MCF2L: variants seen among roughly 807,000 people sequenced by gnomAD.
MCF2L encodes the protein guanine nucleotide exchange factor DBS.
In MCF2L, 97 loss-of-function variants were observed where a neutral mutation model predicts 153.4. That is an observed-to-expected ratio of 0.63 (90% CI 0.54 to 0.75). MCF2L has a LOEUF of 0.75. Among genes scored for constraint, MCF2L ranks in the 30% least tolerant of loss-of-function variants. MCF2L has a pLI of 0.00. For synonymous variants in MCF2L, 659 were observed against 632.2 expected (o/e 1.04, Z -0.64); for missense variants, 1,347 against 1,495.2 (o/e 0.90, Z 1.64).
In MCF2L at chr13:113,024,690, C is replaced by T. The variant is rs747256737; in HGVS notation, c.210C>T (p.Tyr70=). 16 of 1,614,078 alleles carry T rather than the reference C, an allele frequency of 9.9e-6. No individual in the cohort carries two copies. The highest frequency in any genetic ancestry group is 5.5e-5 in the South Asian group (5 of 91,086). ...DGSPVITFPD[Y]PAFSEIPDKE... ...GCCCGGTTATCACCTTCCCTGACTA[C>T]CCGGCCTTCAGCGAGATTCCGGACA... The change falls in exon 3 of 30, where the codon TAC becomes TAT. Residue 70 remains tyrosine, a synonymous_variant. Coordinates refer to ENST00000535094, the MANE Select transcript of MCF2L (RefSeq NM_001112732.3).
In MCF2L at chr13:112,907,038, C is replaced by T. The variant is rs4907470; in HGVS notation, c.169+4667C>T. ...ACATTTGCCGCCTTGGGTGGAGTCG[C>T]GACATTGCTGTTTCTATGTCAGAAG... On this transcript the variant is annotated intron_variant, in intron 2 of 29. Coordinates refer to the MCF2L transcript ENST00000375608. The surrounding 1 kb of genome is among the most constrained non-coding windows in gnomAD (Gnocchi z 5.1). 0.82 allele frequency among the ~76,000 whole-genome samples: 124,276 copies of T among 152,114 alleles called. 51,014 individuals carry two copies. Among genetic ancestry groups the T allele is most frequent in the East Asian group, 0.91 (4,682 of 5,156 alleles).
At chr13:112,930,327 T>C (rs2081448835) in intron 2 of MCF2L, among the ~76,000 whole-genome samples, 1 of 152,144 alleles carries the variant, frequency 6.6e-6, no homozygotes, top group South Asian at 2.1e-4. Context: ...AAACAAACTG[T>C]GGTCCATGCA....
intron 2 of MCF2L, among the ~76,000 whole-genome samples, chr13:112,949,266 A>G (rs2081667057): frequency 1.3e-5 from 2 of 152,224 alleles, no homozygotes; most frequent in South Asian, 4.1e-4. Flanking sequence ...CAATAAAGAA[A>G]CATTCAGGCC....
chr13:113,024,179 G>A (rs866847034), intron 2 of MCF2L, among the ~76,000 whole-genome samples: 17 of 152,332 alleles, frequency 1.1e-4, no homozygotes, highest in South Asian at 2.1e-4. Flanking sequence ...GAAGCTAGAC[G>A]ATACCCACAA....
At chr13:113,036,239 C>A (rs549485397) in intron 3 of MCF2L, among the ~76,000 whole-genome samples, 50 of 152,340 alleles carry the variant, frequency 3.3e-4, no homozygotes, top group South Asian at 1.2e-3. Flanking sequence ...AATGACGCCA[C>A]CATTCTCTTT....
chr13:113,060,922 C>A (rs2141767138), intron 5 of MCF2L, among the ~76,000 whole-genome samples: 1 of 152,080 alleles, frequency 6.6e-6, no homozygotes, highest in East Asian at 1.9e-4. Flanking sequence ...AGCCCCCACC[C>A]CGCCAGAGGT....
At chr13:113,066,718 C>G (rs2032424368) in intron 8 of MCF2L, among the ~76,000 whole-genome samples, 1 of 151,606 alleles carries the variant, frequency 6.6e-6, no homozygotes, top group Admixed American at 6.6e-5. Flanking sequence ...CTCCCCGAGC[C>G]TCCCCCCGTC....
At chr13:113,005,841 C>A (rs1324159616) in intron 1 of MCF2L, among the ~76,000 whole-genome samples, 18 of 152,166 alleles carry the variant, frequency 1.2e-4, no homozygotes, top group Admixed American at 1.2e-3. Context: ...CACGTGTGCG[C>A]CTTAAATACA....
intron 18 of MCF2L, 127 bp downstream of exon 18, chr13:113,084,194 T>C: frequency 1.3e-6 from 1 of 799,314 alleles, no homozygotes; most frequent in East Asian, 2.6e-5. Context: ...TCAATTTGGC[T>C]GAGATACCAT....
intron 2 of MCF2L, among the ~76,000 whole-genome samples, chr13:112,921,717 G>T (rs534135581): frequency 6.6e-6 from 1 of 152,176 alleles, no homozygotes; most frequent in African/African-American, 2.4e-5. Context: ...TGTCCTAGAC[G>T]TTAAGAATAA....
chr13:113,055,071 C>T (rs1018580430), intron 4 of MCF2L, among the ~76,000 whole-genome samples: 1 of 151,962 alleles, frequency 6.6e-6, no homozygotes, highest in Non-Finnish European at 1.5e-5. Context: ...TAGAACTTTC[C>T]CCAGCTTTTA....
chr13:112,978,130 A>G (rs3742240), intron 1 of MCF2L, among the ~76,000 whole-genome samples: 44,193 of 152,204 alleles, frequency 0.29, 6,910 homozygotes, highest in Non-Finnish European at 0.35. Flanking sequence ...ACCACGCGAA[A>G]TGCGCCATCT....
chr13:113,014,402 G>A (rs1409279632), intron 1 of MCF2L, among the ~76,000 whole-genome samples: 1 of 152,154 alleles, frequency 6.6e-6, no homozygotes, highest in Non-Finnish European at 1.5e-5. Context: ...ATGTGGGTGG[G>A]ACTCAGACCA....
Position 112,983,767 on chromosome 13 carries a change from T to G in MCF2L, c.79+14309T>G, listed in dbSNP as rs1382665759. ...TCCTGGGCCTTCCCTTCTGCCTGGC[T>G]TCCTCCTCCTCCACCCGTCCACCTG... On this transcript the variant is annotated intron_variant, in intron 1 of 29. Coordinates refer to ENST00000535094, the MANE Select transcript of MCF2L (RefSeq NM_001112732.3). The surrounding 1 kb of genome is among the most constrained non-coding windows in gnomAD (Gnocchi z 4.0). 6.6e-6 allele frequency among the ~76,000 whole-genome samples: 1 copy of G among 152,142 alleles called. No individual in the cohort carries two copies. The highest frequency in any genetic ancestry group is 1.5e-5 in the Non-Finnish European group (1 of 68,006).
At position 112,932,544 on chromosome 13, in the gene MCF2L, A is replaced by T. The variant is rs2081474588; in HGVS notation, c.169+30173A>T. Among the ~76,000 whole-genome samples, 1 of 152,236 alleles carries T rather than the reference A, an allele frequency of 6.6e-6. No homozygotes were observed. The highest frequency in any genetic ancestry group is 6.5e-5 in the Admixed American group (1 of 15,284). On this transcript the variant is annotated intron_variant, in intron 2 of 29. Coordinates refer to the MCF2L transcript ENST00000375608. The surrounding 1 kb of genome is among the most constrained non-coding windows in gnomAD (Gnocchi z 4.6). ...GCTCATTAATTGCAACAAAGGCACC[A>T]TAAGCTTAAGATATGAATATTGGAG...
At chr13:113,075,876 G>A (rs907173418) in intron 11 of MCF2L, 90 bp from the exon 12 acceptor site, 27 of 1,072,374 alleles carry the variant, frequency 2.5e-5, no homozygotes, top group South Asian at 8.2e-5. Context: ...GGGATCTGTC[G>A]GGAGGACACC....
In MCF2L at chr13:113,083,590, G is replaced by A. The variant is rs57746452; in HGVS notation, c.1992-408G>A. 3.7e-3 allele frequency among the ~76,000 whole-genome samples: 570 copies of A among 152,358 alleles called. 7 individuals carry two copies. Among genetic ancestry groups the A allele is most frequent in the African/African-American group, 0.013 (524 of 41,582 alleles). On this transcript the variant is annotated intron_variant, in intron 17 of 29. Transcript: ENST00000535094. ...AGATGCAACAGAAAACAGCCCAGGA[G>A]CCTGGGGGCGGCGCTGCCTAGGGCC...
chr13:113,036,591 G>A (rs1417057012), intron 3 of MCF2L, among the ~76,000 whole-genome samples: 1 of 152,218 alleles, frequency 6.6e-6, no homozygotes, highest in Non-Finnish European at 1.5e-5. Flanking sequence ...TGGGTGAGTG[G>A]CAGCAGCCAC....
At position 113,076,964 on chromosome 13, in the gene MCF2L, C is replaced by T. The variant is rs575092972; in HGVS notation, c.1501-88C>T. On this transcript the variant is annotated intron_variant, in intron 12 of 29. Coordinates refer to ENST00000535094, the MANE Select transcript of MCF2L (RefSeq NM_001112732.3). ...GAGAACATTTAAAGCGGGGGTTGGG[C>T]GTGCCCCGGCACGTTCTGCGCCTGA... 4.1e-5 allele frequency: 58 copies of T among 1,405,676 alleles called. No individual in the cohort carries two copies. The East Asian group carries it at 1.0e-3, about 24-fold the overall frequency. The allele number at this position is 1,405,676 out of a possible 1,614,324, so 87.1% of individuals were successfully genotyped here. A position where few individuals can be genotyped will look rare whatever the true frequency, so the allele number is the denominator to read the frequency against.
Sources: gnomAD v4.1 joint callset for allele counts (sites outside exome capture counted in the v4.1 genomes callset) on GRCh38, gnomAD v4.1.1 for gene constraint, Gnocchi (gnomAD v3.1) non-coding constraint, MANE v1.5 for transcripts, NCBI Gene and HGNC (gene_info 2026-07-23, HGNC 2026-07-21) for gene names.